The following RBMS3 variants were observed in gnomAD, a reference collection of about 807,000 sequenced individuals.
RBMS3 encodes the protein RNA-binding motif, single-stranded-interacting protein 3.
In RBMS3, 27 loss-of-function variants were observed where a neutral mutation model predicts 66.8. The observed-to-expected ratio is 0.40, with a 90% confidence interval of 0.30 to 0.56. The LOEUF is 0.56. RBMS3 is among the 20% of genes least tolerant of loss of function. The pLI is 0.40. For missense variants in RBMS3, 513 were observed against 549.5 expected (o/e 0.93, Z 0.66); for synonymous variants, 188 against 183.0 (o/e 1.03, Z -0.22).
intron 2 of RBMS3, 182 bp downstream of exon 2, chr3:29,435,097 C>T: frequency 1.5e-6 from 1 of 659,750 alleles, no homozygotes; most frequent in Non-Finnish European, 2.5e-6. Flanking sequence ...AATTGGTTTA[C>T]TTTTTGTTGT....
intron 1 of RBMS3, among the ~76,000 whole-genome samples, chr3:29,426,617 C>A (rs1447123750): frequency 6.6e-6 from 1 of 152,174 alleles, no homozygotes; most frequent in Admixed American, 6.5e-5. Context: ...ATTAGCCATC[C>A]CATCCACAAT....
At chr3:29,420,484 T>C (rs2040665977) in intron 1 of RBMS3, among the ~76,000 whole-genome samples, 1 of 152,192 alleles carries the variant, frequency 6.6e-6, no homozygotes. Context: ...TGAGAGCTGA[T>C]TGTTAAATTC....
In RBMS3 at chr3:29,331,491, G is replaced by A. The variant is rs140933751; in HGVS notation, c.75+49735G>A. Among the ~76,000 whole-genome samples the A allele has an allele frequency of 1.7e-3, 252 of 152,128 alleles. 1 individual carries two copies. Among genetic ancestry groups the A allele is most frequent in the African/African-American group, 5.8e-3 (242 of 41,516 alleles). Reference sequence around the variant, plus strand: ...TTGCCTTATTTCCCTTCTCTGTCTTGTTTCCCCATGATTTCCTTCCCAATT... The same window carrying A: ...TTGCCTTATTTCCCTTCTCTGTCTTATTTCCCCATGATTTCCTTCCCAATT... On this transcript the variant is annotated intron_variant, in intron 1 of 14. Transcript: ENST00000383767.
intron 1 of RBMS3, among the ~76,000 whole-genome samples, chr3:29,293,715 T>A (rs1032604824): frequency 4.0e-5 from 6 of 150,720 alleles, no homozygotes; most frequent in South Asian, 2.1e-4. Context: ...GGGCTAATAT[T>A]TTTTTTTTCT....
At chr3:29,436,452 A>G (rs939507464) in intron 2 of RBMS3, among the ~76,000 whole-genome samples, 1 of 152,234 alleles carries the variant, frequency 6.6e-6, no homozygotes, top group African/African-American at 2.4e-5. Context: ...AAAATGTTAA[A>G]TGTGCCAAAG....
chr3:29,428,351 A>G (rs1158139717), intron 1 of RBMS3, among the ~76,000 whole-genome samples: 1 of 152,134 alleles, frequency 6.6e-6, no homozygotes, highest in African/African-American at 2.4e-5. Context: ...TGCACAGGAC[A>G]GCTCCCTAAA....
intron 14 of RBMS3, among the ~76,000 whole-genome samples, chr3:30,002,586 G>T (rs1191300854): frequency 6.6e-6 from 1 of 151,902 alleles, no homozygotes; most frequent in Non-Finnish European, 1.5e-5. Context: ...AATTGTAATT[G>T]CTTTACTTCT....
At chr3:29,984,591 G>T (rs1391670539) in intron 12 of RBMS3, among the ~76,000 whole-genome samples, 1 of 152,072 alleles carries the variant, frequency 6.6e-6, no homozygotes, top group Admixed American at 6.5e-5. Context: ...CTTCAGATGG[G>T]TTTTTTGTAT....
chr3:29,511,512 G>T (rs2044409741), intron 3 of RBMS3, among the ~76,000 whole-genome samples: 1 of 152,078 alleles, frequency 6.6e-6, no homozygotes, highest in African/African-American at 2.4e-5. Context: ...GCCTCTGTGA[G>T]TCACGATGTT....
intron 12 of RBMS3, among the ~76,000 whole-genome samples, chr3:29,951,119 C>T (rs1188660165): frequency 1.3e-5 from 2 of 151,646 alleles, no homozygotes; most frequent in Admixed American, 1.3e-4. Context: ...GTAAATCTTC[C>T]ACAAATTCAA....
intron 4 of RBMS3, among the ~76,000 whole-genome samples, chr3:29,623,320 C>T (rs1458706389): frequency 6.6e-6 from 1 of 151,912 alleles, no homozygotes; most frequent in Non-Finnish European, 1.5e-5. Flanking sequence ...CGGCCGGGCG[C>T]GGTGGCTCAC....
rs375705665 is a variant in RBMS3, at chr3:29,488,365, C to A, written c.249-76C>A. On this transcript the variant is annotated intron_variant, in intron 2 of 14. Coordinates refer to ENST00000383767, the MANE Select transcript of RBMS3 (RefSeq NM_001003793.3). Reference sequence around the variant, plus strand: ...TATGCATGCTCAGTTGTGTGTGCCCCGATGTTCATTAGAGTGTTTTAAGTG... The same window carrying A: ...TATGCATGCTCAGTTGTGTGTGCCCAGATGTTCATTAGAGTGTTTTAAGTG... 1.4e-5 allele frequency: 18 copies of A among 1,270,770 alleles called. No individual in the cohort carries two copies. In the African/African-American group the frequency reaches 2.2e-4, roughly 16 times the overall value. 78.7% of individuals were successfully genotyped at this position (1,270,770 alleles called of 1,614,324 possible).
chr3:29,747,444 AGAT>A (rs1559631160), intron 5 of RBMS3, among the ~76,000 whole-genome samples: 1 of 132,080 alleles, frequency 7.6e-6, no homozygotes, highest in African/African-American at 2.8e-5. Flanking sequence ...ATAGATAGAT[AGAT>A]AGATGTCAGG....
At chr3:29,775,325 A>T (rs532548077) in intron 6 of RBMS3, among the ~76,000 whole-genome samples, 1 of 145,704 alleles carries the variant, frequency 6.9e-6, no homozygotes, top group Admixed American at 6.9e-5. Flanking sequence ...GTTTTGTTTT[A>T]TTTTTTTAAA....
At chr3:29,333,325 C>A (rs183976848) in intron 1 of RBMS3, among the ~76,000 whole-genome samples, 82 of 152,192 alleles carry the variant, frequency 5.4e-4, no homozygotes, top group African/African-American at 2.0e-3. Flanking sequence ...GCATCCAGTG[C>A]CCTCTCAAGG....
chr3:29,921,475 C>A (rs906693150), intron 10 of RBMS3, among the ~76,000 whole-genome samples: 1 of 129,110 alleles, frequency 7.7e-6, no homozygotes. Context: ...TAAAAGCTAT[C>A]AACTGACAGA....
chr3:29,854,043 G>C (rs186230286), intron 6 of RBMS3, among the ~76,000 whole-genome samples: 1 of 152,228 alleles, frequency 6.6e-6, no homozygotes, highest in East Asian at 1.9e-4. Context: ...TTTTGAAAGT[G>C]TCAAAAAGTC....
chr3:29,550,746 GTT>G (rs781351599), intron 3 of RBMS3, among the ~76,000 whole-genome samples: 8 of 152,142 alleles, frequency 5.3e-5, no homozygotes, highest in African/African-American at 7.2e-5. Flanking sequence ...GGAGCACTGT[GTT>G]TTATCTGTGA....
intron 3 of RBMS3, among the ~76,000 whole-genome samples, chr3:29,578,643 T>C (rs2047207095): frequency 1.3e-5 from 2 of 152,040 alleles, no homozygotes. Flanking sequence ...GGGGAAATCA[T>C]GGATGGAACC....
Sources: allele counts gnomAD v4.1 joint callset (sites outside exome capture counted in the v4.1 genomes callset), GRCh38; gene constraint gnomAD v4.1.1; transcripts MANE v1.5; gene names NCBI Gene and HGNC (gene_info 2026-07-23, HGNC 2026-07-21).